Variants in HDAC9 observed in about 807,000 individuals in gnomAD.
HDAC9 encodes the protein histone deacetylase 9.
A neutral mutation model predicts 139.4 loss-of-function variants in HDAC9; 41 were observed. That is an observed-to-expected ratio of 0.29 (90% CI 0.23 to 0.38). The LOEUF is 0.38. HDAC9 is among the 10% of genes least tolerant of loss of function. The pLI is 1.00. For missense variants in HDAC9, 1,147 were observed against 1,297.0 expected (o/e 0.88, Z 1.78); for synonymous variants, 517 against 476.2 (o/e 1.09, Z -1.12).
chr7:18,292,994 A>AT (rs201232344), intron 1 of HDAC9, among the ~76,000 whole-genome samples: 759 of 149,574 alleles, frequency 5.1e-3, no homozygotes, highest in Non-Finnish European at 7.0e-3. Context: ...GGTGTTTTAA[A>AT]TTTTTTTTTT....
intron 16 of HDAC9, among the ~76,000 whole-genome samples, chr7:18,787,529 A>G (rs1791923712): frequency 6.6e-6 from 1 of 152,216 alleles, no homozygotes; most frequent in African/African-American, 2.4e-5. Flanking sequence ...TAGTTACATC[A>G]TTAGAAACAT....
chr7:18,384,800 G>C (rs1785765870), intron 1 of HDAC9, among the ~76,000 whole-genome samples: 1 of 152,016 alleles, frequency 6.6e-6, no homozygotes, highest in Non-Finnish European at 1.5e-5. Flanking sequence ...TTCAAGTCCA[G>C]GCCTGATCTT....
chr7:18,189,308 C>T (rs115946365), intron 2 of HDAC9, among the ~76,000 whole-genome samples: 11,237 of 148,266 alleles, frequency 0.076, 482 homozygotes, highest in East Asian at 0.12. Context: ...ACACATCACA[C>T]AGAGAGGGGA....
In HDAC9 at chr7:19,000,705, T is replaced by A; in HGVS notation, c.*4643T>A. ...GTTGTTGCAATTTCTCAAAGCATCT[T>A]AATTCTCAAACTGAAACATTTAGCA... On this transcript the variant is annotated 3_prime_UTR_variant, in exon 26 of 26. Coordinates refer to ENST00000686413, the MANE Select transcript of HDAC9 (RefSeq NM_178425.4). 1 of 152,206 alleles carries A rather than the reference T, an allele frequency of 6.6e-6. No homozygotes were observed. Among genetic ancestry groups the A allele is most frequent in the East Asian group, 1.9e-4 (1 of 5,196 alleles). 9.4% of individuals were successfully genotyped at this position (152,206 alleles called of 1,614,324 possible).
intron 2 of HDAC9, among the ~76,000 whole-genome samples, chr7:18,510,213 A>G (rs764732619): frequency 6.6e-6 from 1 of 152,192 alleles, no homozygotes; most frequent in African/African-American, 2.4e-5. Context: ...TAAATGCTTC[A>G]GTTATTCTTA....
At chr7:18,166,326 C>T (rs1448630293) in intron 2 of HDAC9, among the ~76,000 whole-genome samples, 1 of 152,172 alleles carries the variant, frequency 6.6e-6, no homozygotes, top group Admixed American at 6.6e-5. Context: ...GTACTCTACT[C>T]ATATGAAGTG....
chr7:18,719,138 G>A (rs915218008), intron 12 of HDAC9, among the ~76,000 whole-genome samples: 3 of 151,932 alleles, frequency 2.0e-5, no homozygotes, highest in Non-Finnish European at 2.9e-5. Flanking sequence ...TTTTCAATTG[G>A]ATTGCCTGTT....
At chr7:18,624,885 C>T (rs1449595417) in intron 6 of HDAC9, among the ~76,000 whole-genome samples, 1 of 151,920 alleles carries the variant, frequency 6.6e-6, no homozygotes, top group Non-Finnish European at 1.5e-5. Flanking sequence ...TTTAATATCT[C>T]TCATGACCCA....
intron 24 of HDAC9, among the ~76,000 whole-genome samples, chr7:18,970,192 T>C (rs955924690): frequency 1.3e-5 from 2 of 152,170 alleles, no homozygotes; most frequent in African/African-American, 2.4e-5. Context: ...AAATACATTT[T>C]TCATAAGAAT....
At chr7:18,499,791 T>G (rs1373755247) in intron 2 of HDAC9, among the ~76,000 whole-genome samples, 1 of 152,188 alleles carries the variant, frequency 6.6e-6, no homozygotes, top group East Asian at 1.9e-4. Flanking sequence ...AGAAAAACAT[T>G]TAAATCAAAG....
intron 2 of HDAC9, among the ~76,000 whole-genome samples, chr7:18,513,523 A>G (rs537471359): frequency 6.6e-6 from 1 of 152,320 alleles, no homozygotes; most frequent in East Asian, 1.9e-4. Flanking sequence ...CCATGCAAAG[A>G]TCAAAGGACA....
At chr7:18,551,980 A>G (rs1341856217) in intron 2 of HDAC9, among the ~76,000 whole-genome samples, 1 of 152,236 alleles carries the variant, frequency 6.6e-6, no homozygotes, top group African/African-American at 2.4e-5. Flanking sequence ...TATTATCAGC[A>G]TCTTCTATAG....
intron 1 of HDAC9, among the ~76,000 whole-genome samples, chr7:18,310,892 C>A (rs1026228756): frequency 2.6e-5 from 4 of 151,716 alleles, no homozygotes; most frequent in Non-Finnish European, 4.4e-5. Flanking sequence ...CAGTGTCTTT[C>A]TGAACCATGT....
chr7:18,737,906 A>G (rs1288775735), intron 13 of HDAC9, among the ~76,000 whole-genome samples: 1 of 152,152 alleles, frequency 6.6e-6, no homozygotes, highest in African/African-American at 2.4e-5. Flanking sequence ...GTCTCTTTGT[A>G]TGTCTCTAAG....
In HDAC9 at chr7:18,212,382, A is replaced by G. The variant is rs934566270; in HGVS notation, c.25+50033A>G. On this transcript the variant is annotated intron_variant, in intron 2 of 12. Transcript: ENST00000417496. ...AAATACATTTTTAAAATTCACTATT[A>G]ACCCTGTCTGTGATGAGACAGCATA... is the stretch of plus-strand genomic sequence containing the variant. 4.6e-5 allele frequency among the ~76,000 whole-genome samples: 7 copies of G among 152,194 alleles called. No individual in the cohort carries two copies. In the East Asian group the frequency reaches 5.8e-4, roughly 13 times the overall value.
At chr7:18,887,338 G>A (rs1022201389) in intron 22 of HDAC9, among the ~76,000 whole-genome samples, 3 of 152,128 alleles carry the variant, frequency 2.0e-5, no homozygotes, top group African/African-American at 7.2e-5. Flanking sequence ...TCCTGATCTA[G>A]GGACCAGGCT....
At position 18,331,625 on chromosome 7, in the gene HDAC9, T is replaced by C. The variant is rs187917704; in HGVS notation, c.-42+41110T>C. On this transcript the variant is annotated intron_variant, in intron 1 of 3. Transcript: ENST00000413509. Reference sequence around the variant, plus strand: ...ATGTATCCCAGAACTTAAAGTATAATAAAAAAATTTTAAAAAAAGAAGTAC... The same window carrying C: ...ATGTATCCCAGAACTTAAAGTATAACAAAAAAATTTTAAAAAAAGAAGTAC... 6.0e-3 allele frequency among the ~76,000 whole-genome samples: 899 copies of C among 151,002 alleles called. 10 individuals are homozygous for C. The highest frequency in any genetic ancestry group is 0.021 in the African/African-American group (852 of 41,338).
chr7:18,406,358 A>G (rs1788000462), intron 1 of HDAC9, among the ~76,000 whole-genome samples: 1 of 151,892 alleles, frequency 6.6e-6, no homozygotes, highest in Non-Finnish European at 1.5e-5. Context: ...TACCAACCCA[A>G]TCAATATTTC....
chr7:18,943,433 A>G (rs1418519482), intron 23 of HDAC9, among the ~76,000 whole-genome samples: 1 of 151,938 alleles, frequency 6.6e-6, no homozygotes, highest in African/African-American at 2.4e-5. Flanking sequence ...ATTTATTTTT[A>G]GGTTTATTTT....
Sources: allele counts gnomAD v4.1 joint callset (sites outside exome capture counted in the v4.1 genomes callset), GRCh38; gene constraint gnomAD v4.1.1; transcripts MANE v1.5; gene names NCBI Gene and HGNC (gene_info 2026-07-23, HGNC 2026-07-21).